ADAMTS15: variants seen among roughly 807,000 people sequenced by gnomAD.
ADAMTS15 encodes the protein ADAM metallopeptidase with thrombospondin type 1 motif 15, also known as A disintegrin and metalloproteinase with thrombospondin motifs 15.
Under a neutral mutation model 79.1 loss-of-function variants are expected in ADAMTS15, and 35 were observed. The ratio of observed to expected loss-of-function variants is 0.44; its 90% CI spans 0.34 to 0.59. ADAMTS15 has a LOEUF of 0.59. ADAMTS15 is among the 20% of genes least tolerant of loss of function. The pLI is 0.02. For synonymous variants in ADAMTS15, 616 were observed against 567.3 expected, an observed-to-expected ratio of 1.09 and a Z score of -1.22; for missense variants, 1,324 against 1,318.7, an observed-to-expected ratio of 1.00 and a Z score of -0.06.
Position 130,469,261 on chromosome 11 carries a change from G to A in ADAMTS15, c.1543-1G>A. The A allele has an allele frequency of 7.2e-7, 1 of 1,397,412 alleles. No individual in the cohort carries two copies. Among genetic ancestry groups the A allele is most frequent in the South Asian group, 1.9e-5 (1 of 52,764 alleles). 86.6% of individuals were successfully genotyped at this position (1,397,412 alleles called of 1,614,324 possible). A position where few individuals can be genotyped will look rare whatever the true frequency, so the allele number is the denominator to read the frequency against. On this transcript the variant is annotated splice_acceptor_variant, in intron 4 of 7. Coordinates refer to ENST00000299164, the MANE Select transcript of ADAMTS15 (RefSeq NM_139055.4). LOFTEE classifies it high-confidence loss of function. ...GGAATATAACAGGCTCTTCCTCACA[G>A]GTGGATGGTTCCTGGGCCAAATGGG...
intron 1 of ADAMTS15, among the ~76,000 whole-genome samples, chr11:130,458,015 G>T (rs1421093950): frequency 6.6e-6 from 1 of 152,102 alleles, no homozygotes; most frequent in African/African-American, 2.4e-5. Context: ...GGGACTTCTT[G>T]ATGGAAAGAA....
chr11:130,450,895 C>T (rs1937948959), intron 1 of ADAMTS15, among the ~76,000 whole-genome samples: 1 of 152,122 alleles, frequency 6.6e-6, no homozygotes, highest in East Asian at 1.9e-4. Flanking sequence ...TTTGGAGATT[C>T]CAGCTGTAGA....
intron 4 of ADAMTS15, among the ~76,000 whole-genome samples, chr11:130,467,653 C>T (rs1311841170): frequency 6.6e-6 from 1 of 152,122 alleles, no homozygotes; most frequent in East Asian, 1.9e-4. Context: ...CGGGCTGCTT[C>T]CTCTATTGCT....
chr11:130,475,934 C>G lies in ADAMTS15; in HGVS notation c.*2113C>G, dbSNP rs1214325561. 1 of 152,274 alleles carries G rather than the reference C, an allele frequency of 6.6e-6. No individual in the cohort carries two copies. Among genetic ancestry groups the G allele is most frequent in the African/African-American group, 2.4e-5 (1 of 41,440 alleles). 9.4% of individuals were successfully genotyped at this position (152,274 alleles called of 1,614,324 possible). A position where few individuals can be genotyped will look rare whatever the true frequency, so the allele number is the denominator to read the frequency against. On this transcript the variant is annotated 3_prime_UTR_variant, in exon 8 of 8. Transcript: ENST00000299164. ...GGTGCCATCGGTAGGAGGCTGGCCTCCAGTAGAGGAGAGCAGCTTTTGCCA... is the reference window on the plus strand; with the variant it reads ...GGTGCCATCGGTAGGAGGCTGGCCTGCAGTAGAGGAGAGCAGCTTTTGCCA...
chr11:130,459,319 C>T (rs1938152016), intron 1 of ADAMTS15, among the ~76,000 whole-genome samples: 1 of 152,158 alleles, frequency 6.6e-6, no homozygotes, highest in African/African-American at 2.4e-5. Context: ...TGTGCACCAT[C>T]ATGCCTGGCT....
chr11:130,470,153 T>TATATATATATATATATAC (rs1565397628), intron 5 of ADAMTS15, among the ~76,000 whole-genome samples: 1 of 45,496 alleles, frequency 2.2e-5, no homozygotes, highest in Non-Finnish European at 4.3e-5. Flanking sequence ...TATATATATG[T>TATATATATATATATATAC]GTATATATAT....
At chr11:130,450,421 A>G in intron 1 of ADAMTS15, 1 of 985,308 alleles carries the variant, frequency 1.0e-6, no homozygotes, top group East Asian at 1.1e-4. Flanking sequence ...CTCTCGGGTA[A>G]CACGTTGTCC....
Position 130,475,998 on chromosome 11 carries a change from C to T in ADAMTS15, c.*2177C>T, listed in dbSNP as rs1938577309. The T allele has an allele frequency of 6.6e-6, 1 of 152,242 alleles. No homozygotes were observed. Among genetic ancestry groups the T allele is most frequent in the South Asian group, 2.1e-4 (1 of 4,830 alleles). The allele number at this position is 152,242 out of a possible 1,614,324, so 9.4% of individuals were successfully genotyped here. On this transcript the variant is annotated 3_prime_UTR_variant, in exon 8 of 8. Transcript: ENST00000299164. ...AAACCATTTCAAGGAAGGACAACCTCTCTGGCTCCTGACACAAGCCAGGCC... is the reference window on the plus strand; with the variant it reads ...AAACCATTTCAAGGAAGGACAACCTTTCTGGCTCCTGACACAAGCCAGGCC...
At chr11:130,468,381 AG>A (rs1330522025) in intron 4 of ADAMTS15, among the ~76,000 whole-genome samples, 1 of 152,174 alleles carries the variant, frequency 6.6e-6, no homozygotes, top group Non-Finnish European at 1.5e-5. Context: ...CTGTAATCCC[AG>A]CACTTTGGGA....
In ADAMTS15 at chr11:130,449,692, A is replaced by G. The variant is rs1308915600; in HGVS notation, c.719A>G (p.His240Arg). Residue 240 changes from histidine to arginine, a missense_variant, in exon 1 of 8, where the codon CAT becomes CGT. Physicochemically the swap from His to Arg is conservative, Grantham distance 29 (BLOSUM62 0). Transcript: ENST00000299164. The surrounding 1 kb of genome is among the most constrained non-coding windows in gnomAD (Gnocchi z 7.8). ...AAGTTCCACGGCGCGGACCTGGAAC[A>G]TTATCTGCTGACGCTGCTGGCAACG... ...MVKFHGADLE[H>R]YLLTLLATAA... The G allele has an allele frequency of 1.2e-6, 2 of 1,608,132 alleles. No individual in the cohort carries two copies. The highest frequency in any genetic ancestry group is 1.1e-5 in the South Asian group (1 of 90,274).
At position 130,476,328 on chromosome 11, in the gene ADAMTS15, C is replaced by CGG; in HGVS notation, c.*2507_*2508insGG. On this transcript the variant is annotated 3_prime_UTR_variant, in exon 8 of 8. Coordinates refer to ENST00000299164, the MANE Select transcript of ADAMTS15 (RefSeq NM_139055.4). ...TAGCCTCCTCTGCCCATCGCGTGCACTGATTGGAGGAGTCTGGCCCAAACA... is the reference window on the plus strand; with the variant it reads ...TAGCCTCCTCTGCCCATCGCGTGCACGGTGATTGGAGGAGTCTGGCCCAAACA... The CGG allele has an allele frequency of 6.6e-6, 1 of 152,348 alleles. No individual in the cohort carries two copies. Among genetic ancestry groups the CGG allele is most frequent in the South Asian group, 2.1e-4 (1 of 4,818 alleles). The allele number at this position is 152,348 out of a possible 1,614,324, so 9.4% of individuals were successfully genotyped here.
In ADAMTS15 at chr11:130,470,176, A is replaced by ACATG. The variant is rs1565397780; in HGVS notation, c.1720+737_1720+738insCATG. ...TGTGTATATATATATATATATATAT[A>ACATG]TATATGTGTGTATATATATATATAT... On this transcript the variant is annotated intron_variant, in intron 5 of 7. Coordinates refer to ENST00000299164, the MANE Select transcript of ADAMTS15 (RefSeq NM_139055.4). 1.3e-3 allele frequency among the ~76,000 whole-genome samples: 75 copies of ACATG among 56,918 alleles called. 3 individuals are homozygous for ACATG. Among genetic ancestry groups the ACATG allele is most frequent in the African/African-American group, 4.4e-3 (43 of 9,766 alleles). 37.3% of individuals were successfully genotyped at this position (56,918 alleles called of 152,430 possible).
chr11:130,450,324 C>A, intron 1 of ADAMTS15: 1 of 985,474 alleles, frequency 1.0e-6, no homozygotes, highest in Non-Finnish European at 1.2e-6. Context: ...ATTGTATGGG[C>A]GGCTGAGTCT....
At chr11:130,457,094 G>T (rs571923436) in intron 1 of ADAMTS15, among the ~76,000 whole-genome samples, 1 of 152,004 alleles carries the variant, frequency 6.6e-6, no homozygotes, top group Non-Finnish European at 1.5e-5. Flanking sequence ...TTAGCCAGGC[G>T]TGGTGGCGCA....
chr11:130,472,211 G>A lies in ADAMTS15; in HGVS notation c.2078+828G>A, dbSNP rs1319282755. Among the ~76,000 whole-genome samples, 1 of 152,244 alleles carries A rather than the reference G, an allele frequency of 6.6e-6. No individual in the cohort carries two copies. Among genetic ancestry groups the A allele is most frequent in the Non-Finnish European group, 1.5e-5 (1 of 68,036 alleles). The stretch of plus-strand genomic sequence containing the variant: ...TTTGGGAGCCCAGGTGCTGGTGATG[G>A]AAAGGCCTAGATGGCTGTCCTGGAG... On this transcript the variant is annotated intron_variant, in intron 7 of 7. Coordinates refer to ENST00000299164, the MANE Select transcript of ADAMTS15 (RefSeq NM_139055.4). This position sits in a 1 kb window ranked among gnomAD's most constrained non-coding sequence, Gnocchi z 4.7.
intron 1 of ADAMTS15, chr11:130,450,303 G>A (rs952207118): frequency 1.7e-5 from 17 of 985,322 alleles, no homozygotes; most frequent in Non-Finnish European, 1.8e-5. Flanking sequence ...GGGCGGGAAC[G>A]GCCCACCCCT....
chr11:130,462,026 C>T lies in ADAMTS15; in HGVS notation c.1091-61C>T. 1 of 1,420,660 alleles carries T rather than the reference C, an allele frequency of 7.0e-7. No individual in the cohort carries two copies. The highest frequency in any genetic ancestry group is 9.8e-7 in the Non-Finnish European group (1 of 1,023,050). 88.0% of individuals were successfully genotyped at this position (1,420,660 alleles called of 1,614,324 possible). A position where few individuals can be genotyped will look rare whatever the true frequency, so the allele number is the denominator to read the frequency against. On this transcript the variant is annotated intron_variant, in intron 2 of 7. Coordinates refer to ENST00000299164, the MANE Select transcript of ADAMTS15 (RefSeq NM_139055.4). The surrounding 1 kb of genome is among the most constrained non-coding windows in gnomAD (Gnocchi z 4.3). The stretch of plus-strand genomic sequence containing the variant: ...GGCTTTCTAGTTCCCCTGCCCCATT[C>T]CTCCCTCCAACCCCCATGTCCTTCC...
rs368434432 is a variant in ADAMTS15, at chr11:130,464,923, C to T, written c.1542+2143C>T. Among the ~76,000 whole-genome samples, 21 of 149,944 alleles carry T rather than the reference C, an allele frequency of 1.4e-4. 1 individual carries two copies. The South Asian group carries it at 3.4e-3, about 24-fold the overall frequency. ...CAGAGGTTGCACTGAGCCATGATCA[C>T]GCCACTGCACTCCAGCCTGGGTGAC... is the stretch of plus-strand genomic sequence containing the variant. On this transcript the variant is annotated intron_variant, in intron 4 of 7. Coordinates refer to ENST00000299164, the MANE Select transcript of ADAMTS15 (RefSeq NM_139055.4).
chr11:130,452,133 G>T (rs1343456479), intron 1 of ADAMTS15, among the ~76,000 whole-genome samples: 1 of 105,164 alleles, frequency 9.5e-6, no homozygotes, highest in Non-Finnish European at 1.9e-5. Context: ...TGATATCTCT[G>T]GGGGAAGGTA....
Sources: allele counts gnomAD v4.1 joint callset (sites outside exome capture counted in the v4.1 genomes callset), GRCh38; gene constraint gnomAD v4.1.1; non-coding constraint Gnocchi (gnomAD v3.1); transcripts MANE v1.5; gene names NCBI Gene and HGNC (gene_info 2026-07-23, HGNC 2026-07-21).